Variants in GEMIN2 observed in about 807,000 individuals in gnomAD.
GEMIN2 encodes the protein gem-associated protein 2.
GEMIN2 carries 37 observed loss-of-function variants against 45.8 expected under a neutral mutation model. That is an observed-to-expected ratio of 0.81 (90% CI 0.62 to 1.06). The LOEUF (loss-of-function observed/expected upper bound fraction) is 1.06, where lower values mean the gene tolerates loss of function less well. Ranked by LOEUF, GEMIN2 falls within the 50% of genes least tolerant of loss-of-function variation. The pLI, the probability that GEMIN2 is intolerant of heterozygous loss-of-function variation, is 0.00. For missense variants in GEMIN2, 335 were observed against 321.8 expected (o/e 1.04, Z -0.31); for synonymous variants, 101 against 111.5 (o/e 0.91, Z 0.60).
chr14:39,119,356 G>C (rs1293218391), intron 4 of GEMIN2, among the ~76,000 whole-genome samples: 2 of 152,090 alleles, frequency 1.3e-5, no homozygotes, highest in South Asian at 2.1e-4. Flanking sequence ...AGTGAAACCT[G>C]TCATGTATAT....
chr14:39,130,240 T>A (rs1566536329), intron 7 of GEMIN2, among the ~76,000 whole-genome samples: 1 of 152,134 alleles, frequency 6.6e-6, no homozygotes, highest in Non-Finnish European at 1.5e-5. Context: ...TGAATCTTTT[T>A]CTGTAAGAAA....
At chr14:39,120,993 C>T (rs2052566608) in intron 4 of GEMIN2, among the ~76,000 whole-genome samples, 1 of 152,200 alleles carries the variant, frequency 6.6e-6, no homozygotes. Context: ...GAGCTGAATG[C>T]TTCTCCCAAA....
intron 7 of GEMIN2, 86 bp downstream of exon 7, chr14:39,128,434 C>T: frequency 4.4e-6 from 3 of 679,796 alleles, no homozygotes; most frequent in Non-Finnish European, 7.8e-6. Flanking sequence ...AATGGTGCTC[C>T]TATAGGATTA....
intron 5 of GEMIN2, 166 bp downstream of exon 5, chr14:39,122,709 A>C: frequency 2.2e-6 from 1 of 457,910 alleles, no homozygotes; most frequent in Non-Finnish European, 3.9e-6. Context: ...AAAAGAAACA[A>C]ATAATATGTG....
intron 2 of GEMIN2, 125 bp from the exon 3 acceptor site, chr14:39,117,874 T>C: frequency 2.2e-6 from 1 of 464,136 alleles, no homozygotes; most frequent in Non-Finnish European, 3.9e-6. Context: ...AAAAATATTT[T>C]ATTTTCTTGT....
At chr14:39,120,713 T>C (rs2052563638) in intron 4 of GEMIN2, among the ~76,000 whole-genome samples, 1 of 152,160 alleles carries the variant, frequency 6.6e-6, no homozygotes, top group South Asian at 2.1e-4. Context: ...CTGCAACCTC[T>C]GTCTCTTGGA....
At position 39,136,800 on chromosome 14, in the gene GEMIN2, TGTTA is replaced by T; in HGVS notation, c.*322_*325del. The T allele has an allele frequency of 4.3e-6, 1 of 234,148 alleles. No individual in the cohort carries two copies. The allele number at this position is 234,148 out of a possible 1,614,324, so 14.5% of individuals were successfully genotyped here. On this transcript the variant is annotated 3_prime_UTR_variant, in exon 10 of 10. Coordinates refer to ENST00000308317, the MANE Select transcript of GEMIN2 (RefSeq NM_003616.3). The stretch of plus-strand genomic sequence containing the variant: ...GTTCTTTTTTTGTTTTTTGTTGTTT[TGTTA>T]TTTACTTATATACATATAAAATTTT...
At position 39,125,154 on chromosome 14, in the gene GEMIN2, T is replaced by G. The variant is rs1017749250; in HGVS notation, c.531+118T>G. 8 of 602,032 alleles carry G rather than the reference T, an allele frequency of 1.3e-5. No individual in the cohort carries two copies. In the African/African-American group the frequency reaches 1.5e-4, roughly 11 times the overall value. The allele number at this position is 602,032 out of a possible 1,614,324, so 37.3% of individuals were successfully genotyped here. Reference sequence around the variant, plus strand: ...ATGCAAGACTTTGTCCTAAGCTCTTTAATGGTTCTTATTTAATCCTTACTA... The same window carrying G: ...ATGCAAGACTTTGTCCTAAGCTCTTGAATGGTTCTTATTTAATCCTTACTA... On this transcript the variant is annotated intron_variant, in intron 6 of 9. Transcript: ENST00000308317.
intron 4 of GEMIN2, 72 bp from the exon 5 acceptor site, chr14:39,122,358 C>T: frequency 1.3e-6 from 1 of 753,620 alleles, no homozygotes; most frequent in Non-Finnish European, 2.2e-6. Context: ...AAGGACTTAA[C>T]TTCTTTTTTT....
intron 7 of GEMIN2, among the ~76,000 whole-genome samples, chr14:39,129,934 GTTTTTTTTTTTT>G (rs34165330): frequency 3.3e-5 from 2 of 61,400 alleles, no homozygotes; most frequent in Non-Finnish European, 3.0e-5. Flanking sequence ...AGACAAGTTT[GTTTTTTTTTTTT>G]TTTTTTTTTT....
At chr14:39,135,179 T>C (rs537467014) in intron 9 of GEMIN2, among the ~76,000 whole-genome samples, 1 of 152,290 alleles carries the variant, frequency 6.6e-6, no homozygotes, top group East Asian at 1.9e-4. Context: ...AGCAAAAACA[T>C]TCAAGTGTAT....
In GEMIN2 at chr14:39,124,840, G is replaced by A. The variant is rs528602367; in HGVS notation, c.487-152G>A. On this transcript the variant is annotated intron_variant, in intron 5 of 9. Transcript: ENST00000308317. The stretch of plus-strand genomic sequence containing the variant: ...CCGCATTACAAACATAGTAGTTTCC[G>A]GAATGTCTCATTGTTATGGACAATG... 8.2e-5 allele frequency: 44 copies of A among 538,688 alleles called. No homozygotes were observed. In the Middle Eastern group the frequency reaches 1.3e-3, roughly 16 times the overall value. The allele number at this position is 538,688 out of a possible 1,614,324, so 33.4% of individuals were successfully genotyped here. A position where few individuals can be genotyped will look rare whatever the true frequency, so the allele number is the denominator to read the frequency against.
Position 39,132,062 on chromosome 14 carries a change from C to T in GEMIN2, c.705C>T (p.Leu235=), listed in dbSNP as rs2052724409. ...CAAGAAGGTGCTCTGAAGTGAGGCTCTTAGTGGTAAGTTGCAACTTACTGT... is the reference window on the plus strand; with the variant it reads ...CAAGAAGGTGCTCTGAAGTGAGGCTTTTAGTGGTAAGTTGCAACTTACTGT... ...QLARRCSEVR[L]LVDSKDDERV... is the part of the protein sequence containing the mutation. Residue 235 remains leucine, a synonymous_variant, in exon 8 of 10, where the codon CTC becomes CTT. Coordinates refer to ENST00000308317, the MANE Select transcript of GEMIN2 (RefSeq NM_003616.3). 1.3e-6 allele frequency: 2 copies of T among 1,485,622 alleles called. No individual in the cohort carries two copies. The highest frequency in any genetic ancestry group is 4.5e-5 in the East Asian group (2 of 44,224). The allele number at this position is 1,485,622 out of a possible 1,614,324, so 92.0% of individuals were successfully genotyped here.
At chr14:39,120,737 C>G (rs182442653) in intron 4 of GEMIN2, among the ~76,000 whole-genome samples, 3 of 152,184 alleles carry the variant, frequency 2.0e-5, no homozygotes, top group Non-Finnish European at 2.9e-5. Flanking sequence ...AAGCAATTCT[C>G]CTGCCTCAGC....
chr14:39,115,675 T>C (rs546701356), intron 2 of GEMIN2, among the ~76,000 whole-genome samples: 1 of 152,184 alleles, frequency 6.6e-6, no homozygotes, highest in South Asian at 2.1e-4. Context: ...CAGTCTGGTC[T>C]TGAACTCCTG....
chr14:39,126,222 C>T (rs1337078360), intron 6 of GEMIN2, among the ~76,000 whole-genome samples: 1 of 150,620 alleles, frequency 6.6e-6, no homozygotes, highest in Non-Finnish European at 1.5e-5. Flanking sequence ...TTCTCTTGCC[C>T]ATGCTGGAGT....
intron 8 of GEMIN2, among the ~76,000 whole-genome samples, chr14:39,133,254 AATAT>A (rs1013218052): frequency 6.8e-6 from 1 of 146,292 alleles, no homozygotes; most frequent in Non-Finnish European, 1.5e-5. Flanking sequence ...TATGTATATT[AATAT>A]ATATTTATTA....
intron 4 of GEMIN2, chr14:39,121,907 A>G: frequency 5.8e-6 from 1 of 172,210 alleles, no homozygotes; most frequent in South Asian, 1.1e-4. Context: ...TTTTTAGTAG[A>G]GGTGGGGTTT....
chr14:39,114,568 A>G, intron 1 of GEMIN2, 93 bp downstream of exon 1: 9 of 933,038 alleles, frequency 9.6e-6, no homozygotes, highest in Non-Finnish European at 1.3e-5. Flanking sequence ...GTCTGTTGCG[A>G]GTTCAGGTCT....
Sources: gnomAD v4.1 joint callset for allele counts (sites outside exome capture counted in the v4.1 genomes callset) on GRCh38, gnomAD v4.1.1 for gene constraint, MANE v1.5 for transcripts, NCBI Gene and HGNC (gene_info 2026-07-23, HGNC 2026-07-21) for gene names.